CAMTA1: variants seen among roughly 807,000 people sequenced by gnomAD.
CAMTA1 encodes calmodulin-binding transcription activator 1.
A neutral mutation model predicts 170.9 loss-of-function variants in CAMTA1; 27 were observed. The observed-to-expected ratio is 0.16, with a 90% CI of 0.12 to 0.22. CAMTA1 has a LOEUF of 0.22. Among genes scored for constraint, CAMTA1 ranks in the 10% least tolerant of loss-of-function variants. The pLI, the probability that CAMTA1 is intolerant of heterozygous loss-of-function variation, is 1.00. For missense variants in CAMTA1, 1,619 were observed against 2,217.2 expected (o/e 0.73, Z 5.42); for synonymous variants, 833 against 891.5 (o/e 0.93, Z 1.17).
At chr1:7,132,115 C>A (rs1375472041) in intron 4 of CAMTA1, among the ~76,000 whole-genome samples, 1 of 152,016 alleles carries the variant, frequency 6.6e-6, no homozygotes. Flanking sequence ...ATTATTTTGG[C>A]TTTTCTAAGT....
At chr1:6,915,683 A>G (rs1456950670) in intron 3 of CAMTA1, among the ~76,000 whole-genome samples, 1 of 152,176 alleles carries the variant, frequency 6.6e-6, no homozygotes, top group Non-Finnish European at 1.5e-5. Flanking sequence ...TCACAGCAGA[A>G]GCAGCAGCCG....
chr1:7,468,010 C>T (rs1193128298), intron 6 of CAMTA1, 109 bp downstream of exon 6: 1 of 867,602 alleles, frequency 1.2e-6, no homozygotes, highest in Non-Finnish European at 1.9e-6. Context: ...GGGCTGAGAG[C>T]CCTGGTGAGC....
At chr1:6,857,524 A>G (rs932284320) in intron 3 of CAMTA1, among the ~76,000 whole-genome samples, 1 of 152,238 alleles carries the variant, frequency 6.6e-6, no homozygotes, top group African/African-American at 2.4e-5. Flanking sequence ...AGACTACTGC[A>G]GTTCTGCATC....
chr1:6,990,801 C>CTATA (rs1221092979), intron 3 of CAMTA1, among the ~76,000 whole-genome samples: 1 of 130,174 alleles, frequency 7.7e-6, no homozygotes, highest in Non-Finnish European at 1.6e-5. Context: ...CTCTCTCTCT[C>CTATA]TCTCTATATA....
intron 6 of CAMTA1, among the ~76,000 whole-genome samples, chr1:7,489,528 G>A (rs1344196773): frequency 6.6e-6 from 1 of 152,160 alleles, no homozygotes; most frequent in Non-Finnish European, 1.5e-5. Flanking sequence ...GCGTGTTAGG[G>A]GTCAGGTAGT....
At chr1:6,883,407 G>A (rs1273618009) in intron 3 of CAMTA1, among the ~76,000 whole-genome samples, 1 of 152,170 alleles carries the variant, frequency 6.6e-6, no homozygotes, top group African/African-American at 2.4e-5. Context: ...GTGCTCTGAA[G>A]GAATTCTGCT....
chr1:7,679,653 C>T (rs2096166333), intron 11 of CAMTA1, among the ~76,000 whole-genome samples: 1 of 151,448 alleles, frequency 6.6e-6, no homozygotes, highest in Admixed American at 6.6e-5. Context: ...CTGCAGGATA[C>T]ACAGGAGGGT....
chr1:6,881,678 T>A (rs1037297599), intron 3 of CAMTA1, among the ~76,000 whole-genome samples: 41 of 152,050 alleles, frequency 2.7e-4, no homozygotes, highest in African/African-American at 9.9e-4. Context: ...ACAGAAAGGA[T>A]CATTCTGGGC....
At chr1:7,567,414 G>T (rs1464536768) in intron 6 of CAMTA1, among the ~76,000 whole-genome samples, 1 of 152,272 alleles carries the variant, frequency 6.6e-6, no homozygotes, top group Non-Finnish European at 1.5e-5. Flanking sequence ...AGAAGCAGAG[G>T]TAAGGGACAA....
intron 11 of CAMTA1, among the ~76,000 whole-genome samples, chr1:7,705,676 G>A (rs2149579457): frequency 6.6e-6 from 1 of 152,254 alleles, no homozygotes; most frequent in East Asian, 1.9e-4. Context: ...TCCCTGGGCA[G>A]ACAGGTGCGA....
At chr1:7,619,753 G>A (rs558110460) in intron 6 of CAMTA1, among the ~76,000 whole-genome samples, 1 of 151,878 alleles carries the variant, frequency 6.6e-6, no homozygotes, top group East Asian at 1.9e-4. Flanking sequence ...GGGTTCAAGC[G>A]ATTCTCGTGC....
chr1:6,923,388 T>C (rs1380572146), intron 3 of CAMTA1, among the ~76,000 whole-genome samples: 1 of 152,226 alleles, frequency 6.6e-6, no homozygotes, highest in African/African-American at 2.4e-5. Flanking sequence ...GGGTGTGGGC[T>C]ACCTGCTTTC....
At position 7,044,154 on chromosome 1, in the gene CAMTA1, TATGCACACAC is replaced by T. The variant is rs1302435771; in HGVS notation, c.235-47144_235-47135del. 6.6e-6 allele frequency among the ~76,000 whole-genome samples: 1 copy of T among 152,204 alleles called. No homozygotes were observed. The highest frequency in any genetic ancestry group is 1.9e-4 in the East Asian group (1 of 5,186). ...CTGCAGAAGGCACGTGGGTGTCACA[TATGCACACAC>T]ATGCATGCACAGCGCATGGCTGGGG... On this transcript the variant is annotated intron_variant, in intron 3 of 22. Coordinates refer to ENST00000303635, the MANE Select transcript of CAMTA1 (RefSeq NM_015215.4). The surrounding 1 kb of genome is among the most constrained non-coding windows in gnomAD (Gnocchi z 5.0).
At chr1:7,489,003 C>G (rs1393067002) in intron 6 of CAMTA1, among the ~76,000 whole-genome samples, 1 of 152,212 alleles carries the variant, frequency 6.6e-6, no homozygotes. Flanking sequence ...ACCCCCAGCG[C>G]CACATGGGCT....
intron 3 of CAMTA1, among the ~76,000 whole-genome samples, chr1:6,938,403 C>T (rs1685832078): frequency 6.6e-6 from 1 of 152,048 alleles, no homozygotes; most frequent in African/African-American, 2.4e-5. Flanking sequence ...GACTTGGTTG[C>T]GTCACAGCAG....
At chr1:7,312,536 A>G (rs933586204) in intron 5 of CAMTA1, among the ~76,000 whole-genome samples, 2 of 152,116 alleles carry the variant, frequency 1.3e-5, no homozygotes, top group African/African-American at 2.4e-5. Flanking sequence ...GCCTGCTCCT[A>G]TGTACCTTTC....
At chr1:7,586,337 C>T (rs2150437362) in intron 6 of CAMTA1, among the ~76,000 whole-genome samples, 1 of 152,304 alleles carries the variant, frequency 6.6e-6, no homozygotes, top group East Asian at 1.9e-4. Flanking sequence ...TGTCGGAGTC[C>T]TCCCCGTTAT....
intron 3 of CAMTA1, among the ~76,000 whole-genome samples, chr1:7,043,468 T>C (rs1704816951): frequency 6.6e-6 from 1 of 152,156 alleles, no homozygotes; most frequent in Non-Finnish European, 1.5e-5. Context: ...TGGTGCATGA[T>C]GTCGGGTGCT....
intron 6 of CAMTA1, among the ~76,000 whole-genome samples, chr1:7,578,665 A>AG (rs2095226661): frequency 6.6e-6 from 1 of 152,214 alleles, no homozygotes; most frequent in Non-Finnish European, 1.5e-5. Context: ...TACAATGAGC[A>AG]GAAATGTATG....
Sources: gnomAD v4.1 joint callset for allele counts (sites outside exome capture counted in the v4.1 genomes callset) on GRCh38, gnomAD v4.1.1 for gene constraint, Gnocchi (gnomAD v3.1) non-coding constraint, MANE v1.5 for transcripts, NCBI Gene and HGNC (gene_info 2026-07-23, HGNC 2026-07-21) for gene names.